Variants in COL10A1 observed in about 807,000 individuals in gnomAD.
The protein encoded by COL10A1 is collagen type X alpha 1 chain, also known as collagen alpha-1(X) chain.
In COL10A1, 10 loss-of-function variants were observed where a neutral mutation model predicts 18.2. The ratio of observed to expected loss-of-function variants is 0.55; its 90% CI spans 0.34 to 0.93. The LOEUF is 0.93. COL10A1 is among the 40% of genes least tolerant of loss of function. COL10A1 has a pLI of 0.02. For missense variants in COL10A1, 897 were observed against 853.5 expected (o/e 1.05, Z -0.64); for synonymous variants, 330 against 316.6 (o/e 1.04, Z -0.45).
At chr6:116,182,053 A>G in the COL10A1 span, among the ~76,000 whole-genome samples, 1 of 151,952 alleles carries the variant, frequency 6.6e-6, no homozygotes, top group Non-Finnish European at 1.5e-5. Context: ...CCCAAAGTCC[A>G]GTGTATTATT....
chr6:116,126,877 G>A (rs1779330419), upstream of COL10A1, among the ~76,000 whole-genome samples: 1 of 152,064 alleles, frequency 6.6e-6, no homozygotes, highest in African/African-American at 2.4e-5. Context: ...GGCTTAACTT[G>A]CAGTTAGGAA....
chr6:116,141,105 G>A (rs1372195135), intron 1 of COL10A1, among the ~76,000 whole-genome samples: 2 of 152,098 alleles, frequency 1.3e-5, no homozygotes, highest in African/African-American at 2.4e-5. Context: ...TAAACTTCAA[G>A]GTTTGCCAAC....
chr6:116,121,932 G>C lies in COL10A1; in HGVS notation c.184C>G (p.Pro62Ala). 1.2e-6 allele frequency: 2 copies of C among 1,613,438 alleles called. No homozygotes were observed. The highest frequency in any genetic ancestry group is 4.5e-5 in the East Asian group (2 of 44,878). The change falls in exon 3 of 3, where the codon CCT becomes GCT. Residue 62 changes from proline (P) to alanine (A), a missense_variant. Physicochemically the swap from Pro to Ala is conservative, Grantham distance 27. Coordinates refer to ENST00000651968, the MANE Select transcript of COL10A1 (RefSeq NM_000493.4). ...GGTCCAGCAGGGCCTGGTGGACCAG[G>C]AGTACCTTGCTCTCCTCTTACTGCT... ...GIAVRGEQGT[P>A]GPPGPAGPRG...
intron 1 of COL10A1, among the ~76,000 whole-genome samples, chr6:116,137,939 CGTG>C (rs1268530223): frequency 1.3e-5 from 2 of 151,850 alleles, no homozygotes; most frequent in Non-Finnish European, 2.9e-5. Context: ...ATTAGCCAGG[CGTG>C]GTGGTGTGTG....
At chr6:116,144,306 T>C (rs879412959) in intron 1 of COL10A1, among the ~76,000 whole-genome samples, 2 of 152,084 alleles carry the variant, frequency 1.3e-5, no homozygotes, top group Non-Finnish European at 2.9e-5. Flanking sequence ...ATCAAGACCA[T>C]CCTGGCCAAC....
At chr6:116,148,412 C>T (rs1779951103) in intron 1 of COL10A1, among the ~76,000 whole-genome samples, 1 of 152,108 alleles carries the variant, frequency 6.6e-6, no homozygotes, top group Non-Finnish European at 1.5e-5. Flanking sequence ...AGATTGTCTA[C>T]TTTTTGGAAC....
chr6:116,176,953 A>T, the COL10A1 span, among the ~76,000 whole-genome samples: 1 of 152,210 alleles, frequency 6.6e-6, no homozygotes, highest in Non-Finnish European at 1.5e-5. Context: ...AGTTTATAAG[A>T]ACTTTAGATA....
chr6:116,151,413 ATACCCT>A (rs1780034646), intron 1 of COL10A1, among the ~76,000 whole-genome samples: 1 of 152,214 alleles, frequency 6.6e-6, no homozygotes, highest in African/African-American at 2.4e-5. Flanking sequence ...TTTTTGGTTT[ATACCCT>A]CTAAGTGATT....
chr6:116,135,872 T>C (rs7749887), intron 1 of COL10A1, among the ~76,000 whole-genome samples: 32,731 of 121,232 alleles, frequency 0.27, 4,282 homozygotes, highest in African/African-American at 0.4. Context: ...TATATATATA[T>C]ACACACATAC....
intron 1 of COL10A1, among the ~76,000 whole-genome samples, chr6:116,144,241 C>A (rs531867375): frequency 6.6e-6 from 1 of 152,120 alleles, no homozygotes. Context: ...CAGTGGCTCA[C>A]GCCTGTATCC....
the COL10A1 span, among the ~76,000 whole-genome samples, chr6:116,172,047 T>C: frequency 6.6e-6 from 1 of 152,128 alleles, no homozygotes. Flanking sequence ...GAAAACACTC[T>C]CACTTCCATC....
rs1347248333 is a variant in COL10A1, at chr6:116,120,451, A to G, written c.1665T>C (p.Thr555=). 1 of 1,614,158 alleles carries G rather than the reference A, an allele frequency of 6.2e-7. No individual in the cohort carries two copies. The highest frequency in any genetic ancestry group is 8.5e-7 in the Non-Finnish European group (1 of 1,180,056). The change falls in exon 3 of 3, where the codon ACT becomes ACC. Residue 555 remains threonine (T), a synonymous_variant. Coordinates refer to ENST00000651968, the MANE Select transcript of COL10A1 (RefSeq NM_000493.4). ...CTGGGTAAGCTTTGGAGAGAATAACAGTAAAAGCAGACACAGGCATTCCTG... is the reference window on the plus strand; with the variant it reads ...CTGGGTAAGCTTTGGAGAGAATAACGGTAAAAGCAGACACAGGCATTCCTG... The part of the protein sequence containing the change: ...GVTGMPVSAF[T]VILSKAYPAI...
In COL10A1 at chr6:116,120,469, C is replaced by T. The variant is rs142108410; in HGVS notation, c.1647G>A (p.Met549Ile). The T allele has an allele frequency of 5.6e-5, 90 of 1,614,258 alleles. No individual in the cohort carries two copies. The African/African-American group carries it at 1.1e-3, about 20-fold the overall frequency. ...LVSANQGVTG[M>I]PVSAFTVILS... Reference sequence around the variant, plus strand: ...GAATAACAGTAAAAGCAGACACAGGCATTCCTGTTACCCCCTGGTTGGCAC... The same window carrying T: ...GAATAACAGTAAAAGCAGACACAGGTATTCCTGTTACCCCCTGGTTGGCAC... The change falls in exon 3 of 3, where the codon ATG becomes ATA. Residue 549 changes from methionine to isoleucine, a missense_variant. By Grantham distance (10) the Met-to-Ile change is conservative. Transcript: ENST00000651968.
chr6:116,207,899 A>G, the COL10A1 span, among the ~76,000 whole-genome samples: 17 of 151,928 alleles, frequency 1.1e-4, no homozygotes, highest in South Asian at 3.3e-3. Flanking sequence ...TATTTTTGTT[A>G]TTTATATTGA....
the COL10A1 span, among the ~76,000 whole-genome samples, chr6:116,167,042 C>T: frequency 6.6e-6 from 1 of 151,868 alleles, no homozygotes; most frequent in Non-Finnish European, 1.5e-5. Flanking sequence ...TAAATTTTTG[C>T]CCCCAAGAAA....
At position 116,119,571 on chromosome 6, in the gene COL10A1, G is replaced by A. The variant is rs541962874; in HGVS notation, c.*502C>T. On this transcript the variant is annotated 3_prime_UTR_variant, in exon 3 of 3. Coordinates refer to ENST00000651968, the MANE Select transcript of COL10A1 (RefSeq NM_000493.4). ...GTGCACCATCAGAAATATTTTAGGG[G>A]ATACAGTGTCTTTTAAATTTGAATA... 2 of 159,948 alleles carry A rather than the reference G, an allele frequency of 1.3e-5. No individual in the cohort carries two copies. The highest frequency in any genetic ancestry group is 1.2e-4 in the Admixed American group (2 of 16,316). The allele number at this position is 159,948 out of a possible 1,614,324, so 9.9% of individuals were successfully genotyped here.
chr6:116,144,386 AGCTACTTGGGAGACT>A (rs1779843585), intron 1 of COL10A1, among the ~76,000 whole-genome samples: 1 of 152,110 alleles, frequency 6.6e-6, no homozygotes, highest in Non-Finnish European at 1.5e-5. Flanking sequence ...CTGTAGTCCC[AGCTACTTGGGAGACT>A]GAGGCAGGGG....
the COL10A1 span, among the ~76,000 whole-genome samples, chr6:116,173,183 C>G: frequency 6.6e-6 from 1 of 152,172 alleles, no homozygotes; most frequent in Non-Finnish European, 1.5e-5. Flanking sequence ...ACCACAGCCC[C>G]TGGCAGTGTT....
chr6:116,121,451 C>A lies in COL10A1; in HGVS notation c.665G>T (p.Arg222Ile). 6.2e-7 allele frequency: 1 copy of A among 1,614,110 alleles called. No individual in the cohort carries two copies. The highest frequency in any genetic ancestry group is 1.3e-5 in the African/African-American group (1 of 75,024). The change falls in exon 3 of 3, where the codon AGA (arginine) becomes ATA (isoleucine). Residue 222 changes from arginine to isoleucine, a missense_variant. Arg to Ile is a moderately conservative substitution (Grantham distance 97). Coordinates refer to ENST00000651968, the MANE Select transcript of COL10A1 (RefSeq NM_000493.4). ...CTGTCCTGGAACCCCATTTTCACCTCTTTTTCCCACTCCAGGAGGGCCAGA... is the reference window on the plus strand; with the variant it reads ...CTGTCCTGGAACCCCATTTTCACCTATTTTTCCCACTCCAGGAGGGCCAGA... ...GPSGPPGVGKRGENGVPGQPG... is the reference protein window; with the variant it reads ...GPSGPPGVGKIGENGVPGQPG...
Sources: allele counts gnomAD v4.1 joint callset (sites outside exome capture counted in the v4.1 genomes callset), GRCh38; gene constraint gnomAD v4.1.1; transcripts MANE v1.5; gene names NCBI Gene and HGNC (gene_info 2026-07-23, HGNC 2026-07-21).